The following MS4A13 variants were observed in gnomAD, a reference collection of about 807,000 sequenced individuals.
MS4A13 encodes the protein membrane spanning 4-domains A13.
A neutral mutation model predicts 18.4 loss-of-function variants in MS4A13; 21 were observed. That is an observed-to-expected ratio of 1.14 (90% CI 0.81 to 1.64). MS4A13 has a LOEUF of 1.64. MS4A13 is among the 40% of genes most tolerant of loss of function. The pLI, the probability that MS4A13 is intolerant of heterozygous loss-of-function variation, is 0.00. For synonymous variants in MS4A13, 62 were observed against 57.2 expected (o/e 1.08, Z -0.38); for missense variants, 173 against 176.8 (o/e 0.98, Z 0.12).
chr11:60,516,604 T>C (rs569600788), intron 2 of MS4A13, among the ~76,000 whole-genome samples: 35 of 152,340 alleles, frequency 2.3e-4, no homozygotes, highest in Admixed American at 8.5e-4. Context: ...CAGACCATTT[T>C]GGCATAGAAT....
chr11:60,517,041 T>A (rs956871368), intron 2 of MS4A13, among the ~76,000 whole-genome samples: 5 of 152,056 alleles, frequency 3.3e-5, no homozygotes, highest in African/African-American at 1.2e-4. Flanking sequence ...TAAGGGATTT[T>A]GCAGTCTAGT....
chr11:60,538,278 G>C (rs2135271125), intron 6 of MS4A13, among the ~76,000 whole-genome samples: 1 of 151,614 alleles, frequency 6.6e-6, no homozygotes, highest in Middle Eastern at 3.4e-3. Context: ...GCATAGATGA[G>C]GCAAAAAGGT....
At chr11:60,539,935 G>A (rs1230539297) in intron 6 of MS4A13, among the ~76,000 whole-genome samples, 1 of 152,148 alleles carries the variant, frequency 6.6e-6, no homozygotes, top group African/African-American at 2.4e-5. Flanking sequence ...TTCCTCATGA[G>A]AAACACTAAA....
intron 4 of MS4A13, 83 bp from the exon 5 acceptor site, chr11:60,525,124 G>A (rs1269924948): frequency 1.0e-6 from 1 of 980,458 alleles, no homozygotes; most frequent in African/African-American, 1.7e-5. Context: ...GTTTTAACTA[G>A]ATGAGTTTTT....
intron 6 of MS4A13, 55 bp downstream of exon 6, chr11:60,529,515 C>A: frequency 2.0e-6 from 2 of 991,852 alleles, no homozygotes; most frequent in Non-Finnish European, 3.0e-6. Context: ...CTAGTAACTA[C>A]ACTCTATGAG....
At chr11:60,528,707 A>T (rs2086738448) in intron 5 of MS4A13, among the ~76,000 whole-genome samples, 1 of 152,188 alleles carries the variant, frequency 6.6e-6, no homozygotes, top group Non-Finnish European at 1.5e-5. Flanking sequence ...CACAAAACCC[A>T]CATTTTCAGG....
chr11:60,526,524 CAGTTTTATAGTCTCTCAAAATCACA>C (rs1487834494), intron 5 of MS4A13, among the ~76,000 whole-genome samples: 2 of 152,178 alleles, frequency 1.3e-5, no homozygotes, highest in Non-Finnish European at 2.9e-5. Flanking sequence ...TGATAACGAC[CAGTTTTATAGTCTCTCAAAATCACA>C]AGTTCAGCAC....
intron 6 of MS4A13, among the ~76,000 whole-genome samples, chr11:60,541,787 A>T (rs1048632722): frequency 6.6e-5 from 10 of 152,080 alleles, no homozygotes; most frequent in African/African-American, 2.4e-4. Flanking sequence ...GATACAAGTG[A>T]TCCAACAGAA....
Position 60,529,479 on chromosome 11 carries a change from T to A in MS4A13, c.402+19T>A. ...CAATTTGGTAAGTGTTTACCCACTC[T>A]CTGGCAAATCAAAAGATGTTGATTT... On this transcript the variant is annotated intron_variant, in intron 6 of 6. Transcript: ENST00000378186. 1 of 1,411,772 alleles carries A rather than the reference T, an allele frequency of 7.1e-7. No individual in the cohort carries two copies. The highest frequency in any genetic ancestry group is 1.4e-5 in the African/African-American group (1 of 69,206). 87.5% of individuals were successfully genotyped at this position (1,411,772 alleles called of 1,614,324 possible).
chr11:60,523,553 G>T (rs2086692074), intron 3 of MS4A13, among the ~76,000 whole-genome samples: 1 of 152,090 alleles, frequency 6.6e-6, no homozygotes, highest in African/African-American at 2.4e-5. Flanking sequence ...CATTAGGAAG[G>T]ATAACATTAA....
In MS4A13 at chr11:60,542,578, A is replaced by T. The variant is rs2086869479; in HGVS notation, c.*3A>T. 1 of 1,601,154 alleles carries T rather than the reference A, an allele frequency of 6.2e-7. No individual in the cohort carries two copies. Among genetic ancestry groups the T allele is most frequent in the Non-Finnish European group, 8.5e-7 (1 of 1,171,470 alleles). On this transcript the variant is annotated 3_prime_UTR_variant, in exon 7 of 7. Coordinates refer to ENST00000378186, the MANE Select transcript of MS4A13 (RefSeq NM_001012417.3). ...AGGAAGCTGAGAGCACTCCTTAAAAACCCTAGAAATATGAGAATTTTGCTG... is the reference window on the plus strand; with the variant it reads ...AGGAAGCTGAGAGCACTCCTTAAAATCCCTAGAAATATGAGAATTTTGCTG...
At chr11:60,526,527 T>C (rs2086714423) in intron 5 of MS4A13, among the ~76,000 whole-genome samples, 1 of 152,190 alleles carries the variant, frequency 6.6e-6, no homozygotes, top group Admixed American at 6.5e-5. Context: ...TAACGACCAG[T>C]TTTATAGTCT....
At chr11:60,529,534 G>A in intron 6 of MS4A13, 74 bp downstream of exon 6, 1 of 684,496 alleles carries the variant, frequency 1.5e-6, no homozygotes, top group Non-Finnish European at 2.4e-6. Context: ...AGAAGATGAA[G>A]TGCACTGATA....
chr11:60,529,512 C>G (rs1457737577), intron 6 of MS4A13, 52 bp downstream of exon 6: 2 of 1,023,568 alleles, frequency 2.0e-6, no homozygotes, highest in Non-Finnish European at 2.9e-6. Flanking sequence ...TTTCTAGTAA[C>G]TACACTCTAT....
Position 60,518,054 on chromosome 11 carries a change from A to G in MS4A13, c.-12-18A>G. On this transcript the variant is annotated intron_variant, in intron 2 of 6. Transcript: ENST00000378186. ...TAAATTACATTATTTCGGTACTAACATAATTCTCTTCTCACAGACTATCCA... is the reference window on the plus strand; with the variant it reads ...TAAATTACATTATTTCGGTACTAACGTAATTCTCTTCTCACAGACTATCCA... 1.3e-6 allele frequency: 2 copies of G among 1,553,056 alleles called. No homozygotes were observed. The highest frequency in any genetic ancestry group is 8.8e-7 in the Non-Finnish European group (1 of 1,139,682).
Position 60,522,282 on chromosome 11 carries a change from GTGTT to G in MS4A13, c.130-1611_130-1608del, listed in dbSNP as rs901148824. Among the ~76,000 whole-genome samples, 15 of 113,160 alleles carry G rather than the reference GTGTT, an allele frequency of 1.3e-4. No homozygotes were observed. The South Asian group carries it at 1.8e-3, about 13-fold the overall frequency. 74.2% of individuals were successfully genotyped at this position (113,160 alleles called of 152,430 possible). On this transcript the variant is annotated intron_variant, in intron 3 of 6. Coordinates refer to ENST00000378186, the MANE Select transcript of MS4A13 (RefSeq NM_001012417.3). Reference sequence around the variant, plus strand: ...TATACACACATATATATGTATGTGTGTGTTTGTGTGTGTGTGTAAAAATCACCAA... The same window carrying G: ...TATACACACATATATATGTATGTGTGTGTGTGTGTGTGTAAAAATCACCAA...
chr11:60,540,846 T>A (rs547560959), intron 6 of MS4A13, among the ~76,000 whole-genome samples: 6 of 151,350 alleles, frequency 4.0e-5, no homozygotes, highest in African/African-American at 1.5e-4. Flanking sequence ...CCCAGCTACT[T>A]AGGCAGCTGA....
chr11:60,542,375 A>T, intron 6 of MS4A13, 144 bp from the exon 7 acceptor site: 1 of 434,222 alleles, frequency 2.3e-6, no homozygotes, highest in Non-Finnish European at 4.0e-6. Flanking sequence ...AGGTTGAAAT[A>T]GGAATGGGAC....
intron 1 of MS4A13, 142 bp downstream of exon 1, chr11:60,515,749 C>T (rs536059290): frequency 6.6e-6 from 1 of 152,196 alleles, no homozygotes; most frequent in East Asian, 1.9e-4. Flanking sequence ...TGTAAAATGC[C>T]GATATGTTTT....
Sources: allele counts gnomAD v4.1 joint callset (sites outside exome capture counted in the v4.1 genomes callset), GRCh38; gene constraint gnomAD v4.1.1; transcripts MANE v1.5; gene names NCBI Gene and HGNC (gene_info 2026-07-23, HGNC 2026-07-21).